PIBF1: variants seen among roughly 807,000 people sequenced by gnomAD.
PIBF1 encodes the protein progesterone-induced-blocking factor 1.
A neutral mutation model predicts 112.5 loss-of-function variants in PIBF1; 90 were observed. That is an observed-to-expected ratio of 0.80 (90% confidence interval 0.67 to 0.95). The LOEUF (loss-of-function observed/expected upper bound fraction) is 0.95, where lower values mean the gene tolerates loss of function less well. Ranked by LOEUF, PIBF1 falls within the 40% of genes least tolerant of loss-of-function variation. The probability of loss-of-function intolerance (pLI) is 0.00; values close to 1 mark genes in which losing one functional copy is unlikely to be tolerated. For synonymous variants in PIBF1, 301 were observed against 288.6 expected, an observed-to-expected ratio of 1.04 and a Z score of -0.44; for missense variants, 915 against 852.3, an observed-to-expected ratio of 1.07 and a Z score of -0.92.
intron 14 of PIBF1, among the ~76,000 whole-genome samples, chr13:72,938,411 A>C (rs113798361): frequency 1.3e-5 from 2 of 151,862 alleles, no homozygotes; most frequent in Non-Finnish European, 2.9e-5. Flanking sequence ...CTCTCTCTCT[A>C]TGGATTTGCC....
At chr13:72,932,839 G>A (rs1377468039) in intron 14 of PIBF1, among the ~76,000 whole-genome samples, 1 of 152,132 alleles carries the variant, frequency 6.6e-6, no homozygotes, top group Non-Finnish European at 1.5e-5. Flanking sequence ...GTGTTTGATA[G>A]CCAGCCCACA....
chr13:72,912,332 T>TA (rs570143742), intron 12 of PIBF1, among the ~76,000 whole-genome samples: 51 of 149,668 alleles, frequency 3.4e-4, no homozygotes, highest in African/African-American at 9.5e-4. Context: ...ACTCAGTGAT[T>TA]AAAAAAAAAA....
chr13:72,968,488 A>G (rs1315138334), intron 15 of PIBF1, among the ~76,000 whole-genome samples: 1 of 151,578 alleles, frequency 6.6e-6, no homozygotes, highest in East Asian at 2.0e-4. Context: ...TTTAGTAAAG[A>G]TGAGGTTTCA....
chr13:72,821,929 A>G lies in PIBF1; in HGVS notation c.753A>G (p.Lys251=), dbSNP rs2036575973. Residue 251 remains lysine, a synonymous_variant, in exon 6 of 18, where the codon AAA becomes AAG. Transcript: ENST00000326291. ...QRLALELADT[K]QLIQQGDYRQ... is the part of the protein sequence containing the mutation. ...TGGCCTTAGAATTAGCAGACACAAA[A>G]CAGTTAATTCAGCAAGGTGACTACC... is the stretch of plus-strand genomic sequence containing the variant. 1.2e-6 allele frequency: 2 copies of G among 1,612,864 alleles called. No individual in the cohort carries two copies. Among genetic ancestry groups the G allele is most frequent in the East Asian group, 4.5e-5 (2 of 44,740 alleles).
At chr13:72,878,068 A>G (rs1057451526) in intron 10 of PIBF1, among the ~76,000 whole-genome samples, 1 of 151,494 alleles carries the variant, frequency 6.6e-6, no homozygotes, top group African/African-American at 2.4e-5. Context: ...GCTATTAGTA[A>G]TTTAGGTCCT....
intron 5 of PIBF1, among the ~76,000 whole-genome samples, chr13:72,803,226 G>T (rs1192053506): frequency 2.0e-5 from 3 of 151,456 alleles, no homozygotes; most frequent in Non-Finnish European, 4.4e-5. Flanking sequence ...GCCAGGGAAG[G>T]CTTGTTTTTT....
intron 10 of PIBF1, among the ~76,000 whole-genome samples, chr13:72,883,886 C>G (rs2039740632): frequency 6.6e-6 from 1 of 152,108 alleles, no homozygotes; most frequent in Non-Finnish European, 1.5e-5. Context: ...TTGAGGTCAG[C>G]CTGGCCAACA....
At chr13:72,999,123 T>G (rs1297961644) in intron 17 of PIBF1, 128 bp downstream of exon 17, 8 of 605,506 alleles carry the variant, frequency 1.3e-5, no homozygotes, top group Non-Finnish European at 2.3e-5. Flanking sequence ...GAAAAGACCT[T>G]GAAGGATTTG....
Position 72,925,802 on chromosome 13 carries a change from A to G in PIBF1, c.1731-5363A>G, listed in dbSNP as rs571291203. 9.7e-4 allele frequency among the ~76,000 whole-genome samples: 147 copies of G among 152,200 alleles called. 5 individuals are homozygous for G. In the South Asian group the frequency reaches 0.03, roughly 31 times the overall value. ...AGTGATCTGCCCACCTCAGCCTCCC[A>G]AAGTGCTGGGATTATAGGCATGAGC... is the stretch of plus-strand genomic sequence containing the variant. On this transcript the variant is annotated intron_variant, in intron 13 of 17. Coordinates refer to ENST00000326291, the MANE Select transcript of PIBF1 (RefSeq NM_006346.4).
At chr13:72,816,711 C>A (rs1228114104) in intron 5 of PIBF1, among the ~76,000 whole-genome samples, 2 of 149,990 alleles carry the variant, frequency 1.3e-5, no homozygotes, top group Non-Finnish European at 1.5e-5. Context: ...AAAAAAAAGC[C>A]TTAAGTTTTT....
chr13:72,791,194 A>G (rs984992231), intron 2 of PIBF1, among the ~76,000 whole-genome samples: 2 of 152,046 alleles, frequency 1.3e-5, no homozygotes, highest in South Asian at 4.1e-4. Flanking sequence ...AGCTGGGACT[A>G]CAGGCACATG....
At chr13:72,946,488 T>C (rs2042151834) in intron 14 of PIBF1, among the ~76,000 whole-genome samples, 1 of 152,182 alleles carries the variant, frequency 6.6e-6, no homozygotes, top group Admixed American at 6.5e-5. Context: ...AACACAATCA[T>C]GCCTTTCCAA....
At position 72,908,054 on chromosome 13, in the gene PIBF1, T is replaced by A. The variant is rs189179498; in HGVS notation, c.1489-477T>A. Among the ~76,000 whole-genome samples, 7 of 152,306 alleles carry A rather than the reference T, an allele frequency of 4.6e-5. 1 individual carries two copies. Among genetic ancestry groups the A allele is most frequent in the African/African-American group, 1.7e-4 (7 of 41,572 alleles). On this transcript the variant is annotated intron_variant, in intron 11 of 17. Transcript: ENST00000326291. ...TGATTTCCTGCTTTGAATTTATGAC[T>A]GTTCAGAAAACCAAAAATGTTATTA...
intron 14 of PIBF1, among the ~76,000 whole-genome samples, chr13:72,961,656 C>A (rs2042611017): frequency 6.6e-6 from 1 of 152,122 alleles, no homozygotes; most frequent in African/African-American, 2.4e-5. Flanking sequence ...ATACCCCCTT[C>A]CTTACCCTTT....
At chr13:72,945,122 A>C (rs12429322) in intron 14 of PIBF1, among the ~76,000 whole-genome samples, 5 of 151,816 alleles carry the variant, frequency 3.3e-5, no homozygotes, top group South Asian at 2.1e-4. Flanking sequence ...TTTAGTTCCC[A>C]CTTATAAGTA....
At chr13:72,948,919 T>C (rs2042220585) in intron 14 of PIBF1, among the ~76,000 whole-genome samples, 1 of 152,178 alleles carries the variant, frequency 6.6e-6, no homozygotes, top group Non-Finnish European at 1.5e-5. Context: ...GTTCTTCTGA[T>C]GACATGTGGG....
chr13:72,981,542 A>G (rs988676184), intron 16 of PIBF1, among the ~76,000 whole-genome samples: 3 of 152,166 alleles, frequency 2.0e-5, no homozygotes, highest in Admixed American at 1.3e-4. Context: ...GTTTAGTGGT[A>G]AGTATTTAGA....
At chr13:72,881,665 G>A (rs1410660876) in intron 10 of PIBF1, among the ~76,000 whole-genome samples, 7 of 149,594 alleles carry the variant, frequency 4.7e-5, no homozygotes, top group Admixed American at 6.7e-5. Flanking sequence ...GCAGTGAGCC[G>A]AGCTAATGCC....
rs970977616 is a variant in PIBF1, at chr13:72,872,505, A to G, written c.1322+18350A>G. Among the ~76,000 whole-genome samples, 3 of 152,232 alleles carry G rather than the reference A, an allele frequency of 2.0e-5. No individual in the cohort carries two copies. The East Asian group carries it at 5.8e-4, about 29-fold the overall frequency. ...AAGCCTATACATAAAGATTTGGGAT[A>G]TATCAAGAATGCTGAAACCTGTAGT... On this transcript the variant is annotated intron_variant, in intron 10 of 17. Transcript: ENST00000326291.
Sources: allele counts gnomAD v4.1 joint callset (sites outside exome capture counted in the v4.1 genomes callset), GRCh38; gene constraint gnomAD v4.1.1; transcripts MANE v1.5; gene names NCBI Gene and HGNC (gene_info 2026-07-23, HGNC 2026-07-21).